CCDC172: variants seen among roughly 807,000 people sequenced by gnomAD.
The protein encoded by CCDC172 is coiled-coil domain-containing protein 172.
In CCDC172, 30 loss-of-function variants were observed where a neutral mutation model predicts 38.0. That is an observed-to-expected ratio of 0.79 (90% CI 0.59 to 1.07). The LOEUF (loss-of-function observed/expected upper bound fraction) is 1.07, where lower values mean the gene tolerates loss of function less well. Ranked by LOEUF, CCDC172 falls within the 50% of genes least tolerant of loss-of-function variation. The pLI, the probability that CCDC172 is intolerant of heterozygous loss-of-function variation, is 0.00. For synonymous variants in CCDC172, 78 were observed against 88.3 expected, an observed-to-expected ratio of 0.88 and a Z score of 0.66; for missense variants, 297 against 290.1, an observed-to-expected ratio of 1.02 and a Z score of -0.17.
intron 3 of CCDC172, among the ~76,000 whole-genome samples, chr10:116,329,445 C>T (rs1245131468): frequency 3.3e-5 from 5 of 152,000 alleles, no homozygotes; most frequent in African/African-American, 7.2e-5. Flanking sequence ...CTGTCATGCA[C>T]GCTCACTTCA....
At chr10:116,359,192 T>A (rs182759262) in intron 7 of CCDC172, among the ~76,000 whole-genome samples, 3,669 of 152,284 alleles carry the variant, frequency 0.024, 44 homozygotes, top group Middle Eastern at 0.082. Context: ...GTACTGAGTA[T>A]AAAGATTTTA....
At chr10:116,352,245 C>G (rs1844940463) in intron 5 of CCDC172, among the ~76,000 whole-genome samples, 1 of 152,128 alleles carries the variant, frequency 6.6e-6, no homozygotes, top group African/African-American at 2.4e-5. Flanking sequence ...AAGTAGCTTA[C>G]CTGCCTACTA....
At chr10:116,371,987 T>C (rs1370110221) in intron 7 of CCDC172, among the ~76,000 whole-genome samples, 1 of 152,098 alleles carries the variant, frequency 6.6e-6, no homozygotes, top group Non-Finnish European at 1.5e-5. Flanking sequence ...TGAGGGTCAT[T>C]TAATCTGTAT....
At chr10:116,344,219 A>G (rs139908081) in intron 5 of CCDC172, among the ~76,000 whole-genome samples, 261 of 152,332 alleles carry the variant, frequency 1.7e-3, no homozygotes, top group Middle Eastern at 0.01. Context: ...CATCACTTTA[A>G]TAATGGGGAT....
At chr10:116,341,934 A>G in intron 4 of CCDC172, 102 bp from the exon 5 acceptor site, 3 of 821,936 alleles carry the variant, frequency 3.6e-6, no homozygotes, top group Non-Finnish European at 4.9e-6. Context: ...GTAACTATAT[A>G]CTTTCATTGT....
chr10:116,364,910 G>GA (rs1258190911), intron 7 of CCDC172, among the ~76,000 whole-genome samples: 1 of 152,024 alleles, frequency 6.6e-6, no homozygotes, highest in Non-Finnish European at 1.5e-5. Context: ...AGAGGTAACT[G>GA]AAAAAAATTT....
chr10:116,328,555 C>T (rs1844619114), intron 3 of CCDC172, among the ~76,000 whole-genome samples: 1 of 151,978 alleles, frequency 6.6e-6, no homozygotes, highest in South Asian at 2.1e-4. Flanking sequence ...ATGCCATATT[C>T]CCTTAAGAGG....
chr10:116,375,772 A>T (rs1049791622), intron 7 of CCDC172, among the ~76,000 whole-genome samples: 9 of 152,324 alleles, frequency 5.9e-5, no homozygotes, highest in East Asian at 5.8e-4. Context: ...ACAGATATTT[A>T]AAAAAGCTCA....
At chr10:116,358,026 T>A in intron 7 of CCDC172, 88 bp downstream of exon 7, 1 of 687,972 alleles carries the variant, frequency 1.5e-6, no homozygotes, top group Non-Finnish European at 2.5e-6. Context: ...CATCAATTAT[T>A]AATTTGAAGT....
chr10:116,354,030 C>T (rs1019749312), intron 5 of CCDC172, among the ~76,000 whole-genome samples: 3 of 152,274 alleles, frequency 2.0e-5, no homozygotes, highest in Admixed American at 2.0e-4. Flanking sequence ...CACACAAGAC[C>T]TTGTACAGTC....
intron 7 of CCDC172, among the ~76,000 whole-genome samples, chr10:116,377,023 A>C (rs1036795176): frequency 6.6e-6 from 1 of 152,098 alleles, no homozygotes; most frequent in East Asian, 1.9e-4. Context: ...AAATACAAAA[A>C]AATTCAGTAT....
intron 5 of CCDC172, among the ~76,000 whole-genome samples, chr10:116,353,210 T>A (rs1844954187): frequency 6.6e-6 from 1 of 150,702 alleles, no homozygotes; most frequent in Non-Finnish European, 1.5e-5. Context: ...AAAGAATAAA[T>A]GTGTACATCC....
intron 3 of CCDC172, among the ~76,000 whole-genome samples, chr10:116,338,472 G>T (rs1844756681): frequency 1.3e-5 from 2 of 152,052 alleles, no homozygotes; most frequent in African/African-American, 2.4e-5. Context: ...AAGAAGCAGA[G>T]AACTTAAAAT....
chr10:116,376,854 AG>A (rs1173877470), intron 7 of CCDC172, among the ~76,000 whole-genome samples: 2 of 152,142 alleles, frequency 1.3e-5, no homozygotes, highest in African/African-American at 4.8e-5. Flanking sequence ...CACTAATTCC[AG>A]GGAGAGAGGA....
At chr10:116,356,159 G>A (rs1035997200) in intron 5 of CCDC172, among the ~76,000 whole-genome samples, 5 of 151,882 alleles carry the variant, frequency 3.3e-5, no homozygotes, top group Non-Finnish European at 5.9e-5. Context: ...GGTGAAACCC[G>A]TCTCTATTAA....
At chr10:116,328,485 G>A (rs932652088) in intron 3 of CCDC172, among the ~76,000 whole-genome samples, 3 of 151,848 alleles carry the variant, frequency 2.0e-5, no homozygotes, top group Non-Finnish European at 2.9e-5. Context: ...TTTAAAAATG[G>A]CATATAATTA....
At chr10:116,371,203 A>T (rs1264297942) in intron 7 of CCDC172, among the ~76,000 whole-genome samples, 2 of 151,800 alleles carry the variant, frequency 1.3e-5, no homozygotes, top group African/African-American at 4.8e-5. Flanking sequence ...TTATTGGGTA[A>T]AAATAATATG....
In CCDC172 at chr10:116,374,892, T is replaced by TA. The variant is rs11354143; in HGVS notation, c.654-3518dup. ...TTTAAATATAAAGATGTAGATACGT[T>TA]AAAAAAAAAAAAAGAATGGAAAGCA... is the stretch of plus-strand genomic sequence containing the variant. On this transcript the variant is annotated intron_variant, in intron 7 of 8. Transcript: ENST00000333254. Among the ~76,000 whole-genome samples the TA allele has an allele frequency of 4.6e-3, 656 of 144,162 alleles. 2 individuals are homozygous for TA. The highest frequency in any genetic ancestry group is 0.01 in the East Asian group (51 of 5,006). The allele number at this position is 144,162 out of a possible 152,430, so 94.6% of individuals were successfully genotyped here. A position where few individuals can be genotyped will look rare whatever the true frequency, so the allele number is the denominator to read the frequency against.
At chr10:116,330,646 C>T (rs61086904) in intron 3 of CCDC172, among the ~76,000 whole-genome samples, 15,462 of 152,092 alleles carry the variant, frequency 0.1, 898 homozygotes, top group East Asian at 0.22. Context: ...CTGTGCACTC[C>T]GTATTCTCCA....
Sources: gnomAD v4.1 joint callset for allele counts (sites outside exome capture counted in the v4.1 genomes callset) on GRCh38, gnomAD v4.1.1 for gene constraint, MANE v1.5 for transcripts, NCBI Gene and HGNC (gene_info 2026-07-23, HGNC 2026-07-21) for gene names.